Variants in ELOVL5 observed in about 807,000 individuals in gnomAD.
ELOVL5 encodes the protein ELOVL fatty acid elongase 5.
ELOVL5 carries 8 observed loss-of-function variants against 38.6 expected under a neutral mutation model. The ratio of observed to expected loss-of-function variants is 0.21; its 90% CI spans 0.12 to 0.37. The LOEUF (loss-of-function observed/expected upper bound fraction) is 0.37. ELOVL5 is among the 10% of genes least tolerant of loss of function. ELOVL5 has a pLI of 1.00. For synonymous variants in ELOVL5, 127 were observed against 133.7 expected, an observed-to-expected ratio of 0.95 and a Z score of 0.34; for missense variants, 280 against 367.8, an observed-to-expected ratio of 0.76 and a Z score of 1.95.
At chr6:53,306,044 A>T (rs1767523851) in intron 1 of ELOVL5, among the ~76,000 whole-genome samples, 1 of 151,338 alleles carries the variant, frequency 6.6e-6, no homozygotes, top group African/African-American at 2.4e-5. Flanking sequence ...TCCACCAAAA[A>T]AATAAGAAAA....
intron 3 of ELOVL5, among the ~76,000 whole-genome samples, chr6:53,281,379 C>A (rs780341000): frequency 6.6e-6 from 1 of 152,082 alleles, no homozygotes; most frequent in Non-Finnish European, 1.5e-5. Context: ...AGATCTGGTA[C>A]AAGCTCGTAT....
At chr6:53,286,406 T>C (rs891322811) in intron 3 of ELOVL5, among the ~76,000 whole-genome samples, 1 of 151,670 alleles carries the variant, frequency 6.6e-6, no homozygotes, top group African/African-American at 2.4e-5. Flanking sequence ...CTACCAAAAA[T>C]AAAAAAATTA....
chr6:53,330,132 T>C (rs960929232), intron 1 of ELOVL5, among the ~76,000 whole-genome samples: 2 of 152,172 alleles, frequency 1.3e-5, no homozygotes, highest in African/African-American at 2.4e-5. Context: ...CTACTACACA[T>C]GCAGGCTATA....
intron 1 of ELOVL5, among the ~76,000 whole-genome samples, chr6:53,317,685 C>A (rs890892025): frequency 2.0e-5 from 3 of 151,702 alleles, no homozygotes; most frequent in African/African-American, 7.3e-5. Context: ...AGGAGATATG[C>A]CTGATGCTAG....
intron 1 of ELOVL5, among the ~76,000 whole-genome samples, chr6:53,327,176 A>G (rs1247613038): frequency 6.6e-6 from 1 of 152,098 alleles, no homozygotes; most frequent in African/African-American, 2.4e-5. Flanking sequence ...ATCTGCCATC[A>G]CCAAAGCAGA....
chr6:53,307,481 G>A (rs1054310291), intron 1 of ELOVL5, among the ~76,000 whole-genome samples: 5 of 152,184 alleles, frequency 3.3e-5, no homozygotes, highest in South Asian at 4.1e-4. Flanking sequence ...CCGTAAAAAT[G>A]TTTCTATTAT....
At chr6:53,314,600 C>CGG (rs1490620753) in intron 1 of ELOVL5, among the ~76,000 whole-genome samples, 2 of 152,214 alleles carry the variant, frequency 1.3e-5, no homozygotes, top group Non-Finnish European at 2.9e-5. Flanking sequence ...GACAGAGAAC[C>CGG]TGGTCCTTTC....
chr6:53,305,109 C>T (rs1321344740), intron 1 of ELOVL5, among the ~76,000 whole-genome samples: 2 of 147,490 alleles, frequency 1.4e-5, no homozygotes, highest in East Asian at 2.0e-4. Context: ...AGGGGGCTGA[C>T]CCCCCCACCT....
rs565903796 is a variant in ELOVL5, at chr6:53,308,449, A to C, written c.-8-12742T>G. Among the ~76,000 whole-genome samples, 3 of 152,330 alleles carry C rather than the reference A, an allele frequency of 2.0e-5. No individual in the cohort carries two copies. The East Asian group carries it at 5.8e-4, about 29-fold the overall frequency. ...CAATTATTGATTGCTCATTGAAACT[A>C]AGAGTGAATGAATGAATAATGAGTG... On this transcript the variant is annotated intron_variant, in intron 1 of 7. Coordinates refer to ENST00000304434, the MANE Select transcript of ELOVL5 (RefSeq NM_021814.5).
rs564206160 is a variant in ELOVL5 at position 53,289,526 on chromosome 6, C to A, written c.246+2250G>T. 2.5e-4 allele frequency among the ~76,000 whole-genome samples: 38 copies of A among 152,326 alleles called. No homozygotes were observed. In the South Asian group the frequency reaches 7.9e-3, roughly 32 times the overall value. On this transcript the variant is annotated intron_variant, in intron 3 of 7. Coordinates refer to ENST00000304434, the MANE Select transcript of ELOVL5 (RefSeq NM_021814.5). ...CTGAGGTCAGGAGTTCAAGACCAGCCTGGCCAACATGGTGAAACCCTGTCT... is the reference window on the plus strand; with the variant it reads ...CTGAGGTCAGGAGTTCAAGACCAGCATGGCCAACATGGTGAAACCCTGTCT...
chr6:53,273,603 C>G (rs888724240), intron 5 of ELOVL5, among the ~76,000 whole-genome samples: 3 of 152,232 alleles, frequency 2.0e-5, no homozygotes, highest in African/African-American at 7.2e-5. Context: ...ACTGAAGCCA[C>G]GACGCCATCC....
intron 1 of ELOVL5, among the ~76,000 whole-genome samples, chr6:53,307,890 A>G (rs918981748): frequency 6.6e-6 from 1 of 152,202 alleles, no homozygotes; most frequent in Non-Finnish European, 1.5e-5. Context: ...ATAACTGAAA[A>G]GGGGGCTGAG....
intron 1 of ELOVL5, among the ~76,000 whole-genome samples, chr6:53,305,649 G>C (rs1470520135): frequency 6.6e-6 from 1 of 150,680 alleles, no homozygotes; most frequent in Non-Finnish European, 1.5e-5. Flanking sequence ...ATGGGATGGC[G>C]GCCGGGAAGA....
Position 53,273,223 on chromosome 6 carries a change from C to T in ELOVL5, c.618G>A (p.Gln206=). ...LWWKKYITQG[Q]LLQFVLTIIQ... is the part of the protein sequence containing the mutation. ...GGAAAGAGGCCAAGTCACTCACCAG[C>T]TGCCCCTGAGTGATGTACTTCTTCC... The change falls in exon 6 of 8, where the codon CAG becomes CAA. Residue 206 remains glutamine, a synonymous_variant. Transcript: ENST00000304434. The T allele has an allele frequency of 6.2e-7, 1 of 1,613,638 alleles. No homozygotes were observed. Among genetic ancestry groups the T allele is most frequent in the Non-Finnish European group, 8.5e-7 (1 of 1,179,694 alleles).
chr6:53,301,467 G>T (rs1288356927), intron 1 of ELOVL5, among the ~76,000 whole-genome samples: 1 of 152,174 alleles, frequency 6.6e-6, no homozygotes, highest in Non-Finnish European at 1.5e-5. Flanking sequence ...AATGGACAGG[G>T]CTGGGAGTGG....
rs1648200836 is a variant in ELOVL5, at chr6:53,346,682, T to A, written c.-9+2135A>T. On this transcript the variant is annotated intron_variant, in intron 1 of 7. Transcript: ENST00000304434. ...GGTAAAACTCTCTCTTCACACTAAC[T>A]ACCCACCTAGGCACCAAAGTTACCC... is the stretch of plus-strand genomic sequence containing the variant. Among the ~76,000 whole-genome samples the A allele has an allele frequency of 5.3e-5, 8 of 152,026 alleles. 1 individual carries two copies. Among genetic ancestry groups the A allele is most frequent in the Admixed American group, 5.2e-4 (8 of 15,266 alleles).
At chr6:53,315,617 G>A (rs1767997912) in intron 1 of ELOVL5, among the ~76,000 whole-genome samples, 1 of 152,176 alleles carries the variant, frequency 6.6e-6, no homozygotes, top group East Asian at 1.9e-4. Context: ...TTGGAGAAAT[G>A]TTATATTAGT....
chr6:53,287,039 C>T (rs1343831434), intron 3 of ELOVL5, among the ~76,000 whole-genome samples: 1 of 152,026 alleles, frequency 6.6e-6, no homozygotes, highest in Non-Finnish European at 1.5e-5. Flanking sequence ...TAAATATTTT[C>T]AAATAGTTCC....
At chr6:53,340,938 A>G (rs1769297289) in intron 1 of ELOVL5, among the ~76,000 whole-genome samples, 1 of 152,150 alleles carries the variant, frequency 6.6e-6, no homozygotes, top group Non-Finnish European at 1.5e-5. Flanking sequence ...CATTTCTCTG[A>G]GCGTATATAC....
Sources: gnomAD v4.1 joint callset for allele counts (sites outside exome capture counted in the v4.1 genomes callset) on GRCh38, gnomAD v4.1.1 for gene constraint, MANE v1.5 for transcripts, NCBI Gene and HGNC (gene_info 2026-07-23, HGNC 2026-07-21) for gene names.